SLC4A8: variants seen among roughly 807,000 people sequenced by gnomAD.
SLC4A8 encodes solute carrier family 4 member 8, also known as electroneutral sodium bicarbonate exchanger 1.
SLC4A8 carries 40 observed loss-of-function variants against 125.0 expected under a neutral mutation model. That is an observed-to-expected ratio of 0.32 (90% CI 0.25 to 0.42). The LOEUF (loss-of-function observed/expected upper bound fraction) is 0.42. Among genes scored for constraint, SLC4A8 ranks in the 10% least tolerant of loss-of-function variants. SLC4A8 has a pLI of 1.00. For synonymous variants in SLC4A8, 456 were observed against 476.0 expected, an observed-to-expected ratio of 0.96 and a Z score of 0.55; for missense variants, 863 against 1,355.1, an observed-to-expected ratio of 0.64 and a Z score of 5.70.
intron 1 of SLC4A8, among the ~76,000 whole-genome samples, chr12:51,415,171 T>A (rs1948661777): frequency 6.6e-6 from 1 of 152,078 alleles, no homozygotes. Flanking sequence ...ATTGTGGTTT[T>A]TACCATTGGA....
intron 9 of SLC4A8, 117 bp downstream of exon 9, chr12:51,461,408 G>C (rs572345166): frequency 1.5e-6 from 1 of 671,144 alleles, no homozygotes; most frequent in African/African-American, 1.8e-5. Flanking sequence ...AATATCTGCT[G>C]GGAAGTAGTT....
At chr12:51,488,214 A>C (rs1157919543) in intron 17 of SLC4A8, among the ~76,000 whole-genome samples, 2 of 152,214 alleles carry the variant, frequency 1.3e-5, no homozygotes, top group Admixed American at 6.5e-5. Context: ...GGTTTTTGAG[A>C]GAAGAAAAGT....
Position 51,470,516 on chromosome 12 carries a change from A to C in SLC4A8, c.1649A>C (p.Lys550Thr). The C allele has an allele frequency of 6.2e-7, 1 of 1,613,590 alleles. No homozygotes were observed. The highest frequency in any genetic ancestry group is 8.5e-7 in the Non-Finnish European group (1 of 1,179,730). Residue 550 changes from lysine (K) to threonine (T), a missense_variant, in exon 13 of 25, where the codon AAA becomes ACA. Lys to Thr is a moderately conservative substitution (Grantham distance 78). This residue lies in a region of SLC4A8 where 390 missense variants were observed against 634.4 expected (regional missense o/e 0.61). Transcript: ENST00000453097. ...CTTGTGTTTGAAAAGATTTTGTTCA[A>C]ATTCTGCAAGTAAGACATTTGTTTT... ...PVLVFEKILFKFCKDYALSYL... is the reference protein window; with the variant it reads ...PVLVFEKILFTFCKDYALSYL...
At chr12:51,506,796 C>T (rs1477354527) in intron 24 of SLC4A8, among the ~76,000 whole-genome samples, 1 of 152,152 alleles carries the variant, frequency 6.6e-6, no homozygotes, top group Admixed American at 6.5e-5. Flanking sequence ...ATAGATCAAC[C>T]TTAATCAGGT....
At chr12:51,391,673 G>T (rs1006084507) in intron 1 of SLC4A8, 1 of 152,228 alleles carries the variant, frequency 6.6e-6, no homozygotes, top group Admixed American at 6.5e-5. Flanking sequence ...CGGCCGGGAG[G>T]GTGGGACCGG....
intron 16 of SLC4A8, among the ~76,000 whole-genome samples, chr12:51,481,772 ATC>A (rs1260078256): frequency 6.6e-6 from 1 of 151,592 alleles, no homozygotes; most frequent in African/African-American, 2.4e-5. Context: ...GCAAAACCCT[ATC>A]TCTACAAAGT....
chr12:51,448,661 C>G (rs994710646), intron 2 of SLC4A8, among the ~76,000 whole-genome samples: 2 of 152,126 alleles, frequency 1.3e-5, no homozygotes, highest in Non-Finnish European at 2.9e-5. Flanking sequence ...GAGCCCAGAG[C>G]ACCCAAGTGG....
chr12:51,483,695 A>C (rs1461119178), intron 16 of SLC4A8, among the ~76,000 whole-genome samples: 1 of 152,032 alleles, frequency 6.6e-6, no homozygotes, highest in Non-Finnish European at 1.5e-5. Context: ...AAATAAAATA[A>C]TTTTCAAGGT....
At chr12:51,470,191 A>G (rs537811770) in intron 12 of SLC4A8, among the ~76,000 whole-genome samples, 42 of 152,332 alleles carry the variant, frequency 2.8e-4, no homozygotes, top group Middle Eastern at 3.4e-3. Context: ...TCATGTGTCA[A>G]TGGAGCTGGG....
intron 1 of SLC4A8, among the ~76,000 whole-genome samples, chr12:51,395,042 TAAAA>T (rs10557992): frequency 6.9e-6 from 1 of 144,322 alleles, no homozygotes; most frequent in African/African-American, 2.6e-5. Context: ...AAAAAATAAA[TAAAA>T]AAAAAACGGG....
In SLC4A8 at chr12:51,458,554, A is replaced by G. The variant is rs1950226249; in HGVS notation, c.764-5A>G. 1 of 1,609,380 alleles carries G rather than the reference A, an allele frequency of 6.2e-7. No homozygotes were observed. The highest frequency in any genetic ancestry group is 1.1e-5 in the South Asian group (1 of 90,970). On this transcript the variant is annotated splice_region_variant and splice_polypyrimidine_tract_variant and intron_variant, in intron 6 of 24. Coordinates refer to ENST00000453097, the MANE Select transcript of SLC4A8 (RefSeq NM_001039960.3). ...TCAGGATTTTGTTTTATTTTCTCCA[A>G]ATAGGTCAAACCGTGTCTCCTCAGT... is the stretch of plus-strand genomic sequence containing the variant.
In SLC4A8 at chr12:51,515,695, G is replaced by A. The variant is rs1158235634; in HGVS notation, c.*8257G>A. On this transcript the variant is annotated 3_prime_UTR_variant, in exon 25 of 25. Transcript: ENST00000453097. ...GGTAATTGTGACACTGCATCTCATA[G>A]AACTCTGCCTGCCCAGATTTTTGTG... 1 of 152,134 alleles carries A rather than the reference G, an allele frequency of 6.6e-6. No homozygotes were observed. The highest frequency in any genetic ancestry group is 2.4e-5 in the African/African-American group (1 of 41,426). The allele number at this position is 152,134 out of a possible 1,614,324, so 9.4% of individuals were successfully genotyped here.
chr12:51,503,232 AT>A (rs1180996661), intron 22 of SLC4A8, among the ~76,000 whole-genome samples: 15 of 145,072 alleles, frequency 1.0e-4, no homozygotes, highest in Admixed American at 5.5e-4. Context: ...TTTTATTTTT[AT>A]TTTTTTTTTG....
In SLC4A8 at chr12:51,455,522, A is replaced by G. The variant is rs114827930; in HGVS notation, c.574+1823A>G. Among the ~76,000 whole-genome samples, 1,333 of 152,278 alleles carry G rather than the reference A, an allele frequency of 8.8e-3. 16 individuals are homozygous for G. The highest frequency in any genetic ancestry group is 0.03 in the African/African-American group (1,265 of 41,540). ...GCCAAAGTGCCCCTACCTCTTCAGT[A>G]AGATGTGAAGGGGAGATATCTGATT... On this transcript the variant is annotated intron_variant, in intron 5 of 24. Transcript: ENST00000453097.
chr12:51,462,478 A>G lies in SLC4A8; in HGVS notation c.1248+22A>G, dbSNP rs201171247. 2.0e-5 allele frequency: 31 copies of G among 1,535,478 alleles called. No homozygotes were observed. The East Asian group carries it at 6.4e-4, about 32-fold the overall frequency. ...CCAGGTAATGTATGCACATCAGCCA[A>G]TGTGGCTATTGTCACTTACTGACTG... On this transcript the variant is annotated intron_variant, in intron 10 of 24. Coordinates refer to ENST00000453097, the MANE Select transcript of SLC4A8 (RefSeq NM_001039960.3).
chr12:51,478,492 A>G (rs7974469), intron 16 of SLC4A8, among the ~76,000 whole-genome samples: 81,962 of 151,946 alleles, frequency 0.54, 22,242 homozygotes, highest in African/African-American at 0.58. Context: ...ATAAAAGACA[A>G]TCCTTTCCAT....
At chr12:51,440,309 G>A (rs983300524) in intron 1 of SLC4A8, among the ~76,000 whole-genome samples, 4 of 152,252 alleles carry the variant, frequency 2.6e-5, no homozygotes, top group African/African-American at 9.6e-5. Flanking sequence ...CAGCTGCTCT[G>A]GAGGCTGAGG....
chr12:51,494,766 C>A, intron 20 of SLC4A8, 179 bp from the exon 21 acceptor site: 1 of 481,132 alleles, frequency 2.1e-6, no homozygotes, highest in East Asian at 3.1e-5. Context: ...TTTGACTTTG[C>A]CACTTAATAA....
rs771556127 is a variant in SLC4A8 at position 51,504,098 on chromosome 12, C to G, written c.3151C>G (p.Pro1051Ala). The G allele has an allele frequency of 6.3e-7, 1 of 1,580,780 alleles. No individual in the cohort carries two copies. The highest frequency in any genetic ancestry group is 8.6e-7 in the Non-Finnish European group (1 of 1,160,704). ...PLESRKLLSSPGKNISCRCDP... is the reference protein window; with the variant it reads ...PLESRKLLSSAGKNISCRCDP... ...AGAGAGCAGGAAGTTACTAAGTAGT[C>G]CTGGAAAGAACATCAGTTGCAGGTA... The change falls in exon 23 of 25, where the codon CCT becomes GCT. Residue 1051 changes from proline to alanine, a missense_variant. Pro to Ala is a conservative substitution (Grantham distance 27). Around this residue, in one of 6 missense-constraint regions of SLC4A8, gnomAD observed 92 missense variants for 125.6 expected, o/e 0.73. Transcript: ENST00000453097.
Sources: gnomAD v4.1 joint callset for allele counts (sites outside exome capture counted in the v4.1 genomes callset) on GRCh38, gnomAD v4.1.1 for gene constraint, gnomAD v4.1.1 regional missense constraint, MANE v1.5 for transcripts, NCBI Gene and HGNC (gene_info 2026-07-23, HGNC 2026-07-21) for gene names.